NPEPPS: variants seen among roughly 807,000 people sequenced by gnomAD.
The protein encoded by NPEPPS is aminopeptidase puromycin sensitive.
Under a neutral mutation model 115.5 loss-of-function variants are expected in NPEPPS, and 14 were observed. The observed-to-expected ratio is 0.12, with a 90% CI of 0.08 to 0.19. NPEPPS has a LOEUF of 0.19. Among genes scored for constraint, NPEPPS ranks in the 10% least tolerant of loss-of-function variants. NPEPPS has a pLI of 1.00. For missense variants in NPEPPS, 523 were observed against 1,110.8 expected (o/e 0.47, Z 7.52); for synonymous variants, 285 against 390.6 (o/e 0.73, Z 3.19).
At chr17:47,550,853 G>T (rs1331575670) in intron 2 of NPEPPS, among the ~76,000 whole-genome samples, 1 of 151,754 alleles carries the variant, frequency 6.6e-6, no homozygotes, top group Non-Finnish European at 1.5e-5. Flanking sequence ...TCTCGAACTC[G>T]AGACCTCAGG....
chr17:47,613,883 CAT>C (rs1050895165), intron 19 of NPEPPS, among the ~76,000 whole-genome samples, 158 bp downstream of exon 19: 3 of 149,710 alleles, frequency 2.0e-5, no homozygotes, highest in East Asian at 1.9e-4. Flanking sequence ...TATGTCTATC[CAT>C]ATATGTTATA....
At chr17:47,552,688 A>G (rs1372532899) in intron 2 of NPEPPS, among the ~76,000 whole-genome samples, 1 of 152,146 alleles carries the variant, frequency 6.6e-6, no homozygotes, top group Admixed American at 6.5e-5. Context: ...TGTTTTAGGA[A>G]TTTAGTTGGC....
intron 2 of NPEPPS, among the ~76,000 whole-genome samples, chr17:47,551,240 T>G (rs550949015): frequency 1.3e-5 from 2 of 152,148 alleles, no homozygotes; most frequent in South Asian, 4.1e-4. Context: ...TACCTTTGAT[T>G]ATTGTGAAAC....
At chr17:47,577,857 C>T (rs1911615885) in intron 3 of NPEPPS, among the ~76,000 whole-genome samples, 1 of 152,048 alleles carries the variant, frequency 6.6e-6, no homozygotes, top group South Asian at 2.1e-4. Context: ...TTGGTCCTTT[C>T]CAAAAGCAAA....
intron 2 of NPEPPS, among the ~76,000 whole-genome samples, chr17:47,547,547 G>C (rs10432035): frequency 0.45 from 68,051 of 151,484 alleles, 16,258 homozygotes; most frequent in Middle Eastern, 0.55. Context: ...GATATGGGGG[G>C]GTGGTCTTCC....
rs186991847 is a variant in NPEPPS at position 47,613,518 on chromosome 17, C to T, written c.2239-151C>T. On this transcript the variant is annotated intron_variant, in intron 18 of 22. Transcript: ENST00000322157. ...CTGACCTCAGGTGATCCGCCTGCCT[C>T]GGCCTCCCAAAGTGCAGGGATTACA... 149 of 581,420 alleles carry T rather than the reference C, an allele frequency of 2.6e-4. No individual in the cohort carries two copies. In the East Asian group the frequency reaches 3.1e-3, roughly 12 times the overall value. The allele number at this position is 581,420 out of a possible 1,614,324, so 36.0% of individuals were successfully genotyped here.
intron 19 of NPEPPS, among the ~76,000 whole-genome samples, 161 bp downstream of exon 19, chr17:47,613,886 ATATGT>A (rs111481184): frequency 0.026 from 3,899 of 151,002 alleles, 150 homozygotes; most frequent in African/African-American, 0.087. Context: ...GTCTATCCAT[ATATGT>A]TATATCAGTA....
intron 9 of NPEPPS, among the ~76,000 whole-genome samples, chr17:47,588,458 G>A (rs1282049611): frequency 6.6e-6 from 1 of 151,946 alleles, no homozygotes; most frequent in Non-Finnish European, 1.5e-5. Context: ...TAGCTACTCT[G>A]GAGGTTGAGG....
At chr17:47,557,846 A>G (rs1597834747) in intron 2 of NPEPPS, among the ~76,000 whole-genome samples, 1 of 148,252 alleles carries the variant, frequency 6.7e-6, no homozygotes, top group African/African-American at 2.4e-5. Context: ...GAACATATTC[A>G]TCACCCTAGA....
chr17:47,558,772 C>T (rs973838811), intron 2 of NPEPPS, among the ~76,000 whole-genome samples: 3 of 151,876 alleles, frequency 2.0e-5, no homozygotes, highest in African/African-American at 4.8e-5. Context: ...TGGTGGCTGA[C>T]GCTTGTAATC....
intron 3 of NPEPPS, among the ~76,000 whole-genome samples, chr17:47,573,680 A>G (rs1354189767): frequency 6.6e-6 from 1 of 152,212 alleles, no homozygotes; most frequent in Non-Finnish European, 1.5e-5. Context: ...TGATTGTACC[A>G]CTGCCCTCGC....
intron 1 of NPEPPS, among the ~76,000 whole-genome samples, chr17:47,539,471 A>G (rs1312270985): frequency 6.6e-6 from 1 of 152,140 alleles, no homozygotes; most frequent in Non-Finnish European, 1.5e-5. Context: ...ACACACTATG[A>G]GATTAAACAG....
intron 3 of NPEPPS, chr17:47,577,269 C>T (rs937065062): frequency 7.4e-5 from 30 of 404,126 alleles, no homozygotes; most frequent in Middle Eastern, 4.5e-4. Context: ...TAAAAAACAT[C>T]TTAACAGTTG....
chr17:47,604,046 C>G lies in NPEPPS; in HGVS notation c.1872C>G (p.Ser624=), dbSNP rs887444695. 1.2e-6 allele frequency: 2 copies of G among 1,607,562 alleles called. No homozygotes were observed. The highest frequency in any genetic ancestry group is 2.7e-5 in the African/African-American group (2 of 74,916). Residue 624 remains serine, a synonymous_variant, in exon 16 of 23, where the codon TCC becomes TCG. Transcript: ENST00000322157. ...DRLGLQNDLF[S]LARAGIISTV... is the part of the protein sequence containing the mutation. ...TTGGATTACAGAATGACCTCTTCTC[C>G]TTGGTGAGCATCTGTGACTTAAGTA...
intron 17 of NPEPPS, 55 bp from the exon 18 acceptor site, chr17:47,612,405 C>G (rs899361469): frequency 8.5e-5 from 135 of 1,585,070 alleles, no homozygotes; most frequent in Non-Finnish European, 1.1e-4. Flanking sequence ...AAATGGCAAA[C>G]TTATAAAAAT....
chr17:47,600,483 A>C (rs962373744), intron 14 of NPEPPS, among the ~76,000 whole-genome samples: 2 of 152,138 alleles, frequency 1.3e-5, no homozygotes. Context: ...TTATTATCCA[A>C]ATAAATCTGT....
At chr17:47,546,133 A>G in intron 2 of NPEPPS, 140 bp downstream of exon 2, 1 of 1,453,964 alleles carries the variant, frequency 6.9e-7, no homozygotes, top group Non-Finnish European at 9.2e-7. Context: ...TACTTTAGAA[A>G]TGGGTAAATT....
chr17:47,591,506 G>C (rs1912500807), intron 10 of NPEPPS, among the ~76,000 whole-genome samples: 1 of 152,022 alleles, frequency 6.6e-6, no homozygotes, highest in Non-Finnish European at 1.5e-5. Context: ...TAATTCTCTT[G>C]ACTTAGCCTA....
upstream of NPEPPS, among the ~76,000 whole-genome samples, chr17:47,529,227 T>A (rs891019265): frequency 1.9e-4 from 29 of 152,132 alleles, no homozygotes; most frequent in Non-Finnish European, 8.8e-5. Flanking sequence ...ATAACATTTT[T>A]AAAATTGTTA....
Sources: allele counts gnomAD v4.1 joint callset (sites outside exome capture counted in the v4.1 genomes callset), GRCh38; gene constraint gnomAD v4.1.1; transcripts MANE v1.5; gene names NCBI Gene and HGNC (gene_info 2026-07-23, HGNC 2026-07-21).